The following FNBP1L variants were observed in gnomAD, a reference collection of about 807,000 sequenced individuals.
FNBP1L encodes formin binding protein 1 like.
Under a neutral mutation model 91.2 loss-of-function variants are expected in FNBP1L, and 36 were observed. That is an observed-to-expected ratio of 0.39 (90% CI 0.30 to 0.52). The LOEUF (loss-of-function observed/expected upper bound fraction) is 0.52. FNBP1L is among the 20% of genes least tolerant of loss of function. The pLI is 0.66. For synonymous variants in FNBP1L, 242 were observed against 237.0 expected (o/e 1.02, Z -0.19); for missense variants, 571 against 732.1 (o/e 0.78, Z 2.54).
At chr1:93,465,125 G>GT (rs1669027084) in intron 1 of FNBP1L, among the ~76,000 whole-genome samples, 1 of 150,126 alleles carries the variant, frequency 6.7e-6, no homozygotes, top group African/African-American at 2.5e-5. Flanking sequence ...AGGTTTTTCT[G>GT]TTTTGCTCTG....
At position 93,554,144 on chromosome 1, in the gene FNBP1L, G is replaced by A. The variant is rs918402754; in HGVS notation, c.*1728G>A. ...GTTTAGATATTGAATCTCGTTACAGGGTTATTTATATAATGTGACATTATT... is the reference window on the plus strand; with the variant it reads ...GTTTAGATATTGAATCTCGTTACAGAGTTATTTATATAATGTGACATTATT... On this transcript the variant is annotated 3_prime_UTR_variant, in exon 17 of 17. Coordinates refer to ENST00000271234, the MANE Select transcript of FNBP1L (RefSeq NM_001164473.3). 5.2e-5 allele frequency: 8 copies of A among 152,566 alleles called. No individual in the cohort carries two copies. The highest frequency in any genetic ancestry group is 1.0e-4 in the Non-Finnish European group (7 of 68,028). 9.5% of individuals were successfully genotyped at this position (152,566 alleles called of 1,614,324 possible). A position where few individuals can be genotyped will look rare whatever the true frequency, so the allele number is the denominator to read the frequency against.
At chr1:93,450,438 C>G (rs1668456015) in intron 1 of FNBP1L, among the ~76,000 whole-genome samples, 1 of 152,150 alleles carries the variant, frequency 6.6e-6, no homozygotes, top group Non-Finnish European at 1.5e-5. Context: ...TTATTAGAAA[C>G]TAAGTAATGT....
At chr1:93,478,227 G>C (rs897367783) in intron 1 of FNBP1L, among the ~76,000 whole-genome samples, 4 of 152,156 alleles carry the variant, frequency 2.6e-5, no homozygotes, top group Admixed American at 1.3e-4. Flanking sequence ...TGGAAGCTGC[G>C]ATGGTCTAGA....
chr1:93,501,877 T>G (rs1362864097), intron 2 of FNBP1L, among the ~76,000 whole-genome samples: 1 of 152,210 alleles, frequency 6.6e-6, no homozygotes, highest in Non-Finnish European at 1.5e-5. Context: ...TCTAGCATTT[T>G]CATTTCTAAA....
rs61752467 is a variant in FNBP1L at position 93,523,440 on chromosome 1, G to A, written c.291G>A (p.Val97=). 8.1e-3 allele frequency: 13,073 copies of A among 1,610,356 alleles called. 69 individuals carry two copies. The highest frequency in any genetic ancestry group is 1.0e-2 in the Non-Finnish European group (11,751 of 1,178,104). The part of the protein sequence containing the change: ...EVVAEEMAHR[V]YGELMRYAHD... ...TAGCAGAAGAAATGGCGCACAGAGT[G>A]TATGGTGAATTAATGAGATATGCTC... The change falls in exon 4 of 17, where the codon GTG becomes GTA. Residue 97 remains valine (V), a synonymous_variant. Transcript: ENST00000271234.
intron 10 of FNBP1L, among the ~76,000 whole-genome samples, chr1:93,537,460 C>T (rs187299792): frequency 9.9e-4 from 150 of 152,074 alleles, no homozygotes; most frequent in Non-Finnish European, 4.4e-4. Context: ...ATTTTGGCCT[C>T]CTATAGAACA....
chr1:93,512,182 T>G (rs1670879815), intron 2 of FNBP1L, among the ~76,000 whole-genome samples: 4 of 152,068 alleles, frequency 2.6e-5, no homozygotes, highest in African/African-American at 4.8e-5. Context: ...AGAAGGCCAT[T>G]ACATAATGGT....
intron 2 of FNBP1L, among the ~76,000 whole-genome samples, chr1:93,512,843 T>TAG (rs902666318): frequency 1.3e-5 from 2 of 151,858 alleles, no homozygotes; most frequent in African/African-American, 4.8e-5. Flanking sequence ...ATTGACACTC[T>TAG]AACATCACAA....
At chr1:93,503,309 G>C (rs1670498150) in intron 2 of FNBP1L, among the ~76,000 whole-genome samples, 1 of 152,132 alleles carries the variant, frequency 6.6e-6, no homozygotes, top group Non-Finnish European at 1.5e-5. Context: ...GTGAGAACAA[G>C]ATGGGGGAAA....
At chr1:93,546,018 G>T (rs1443255744) in intron 12 of FNBP1L, among the ~76,000 whole-genome samples, 2 of 151,934 alleles carry the variant, frequency 1.3e-5, no homozygotes, top group African/African-American at 2.4e-5. Context: ...AGGAGAGAGA[G>T]GTCTGGAGAT....
intron 11 of FNBP1L, among the ~76,000 whole-genome samples, chr1:93,542,286 A>G (rs1672072059): frequency 6.6e-6 from 1 of 152,024 alleles, no homozygotes. Context: ...CCCTATCTCT[A>G]CAAAAAACCT....
At chr1:93,529,995 A>T (rs1671622637) in intron 6 of FNBP1L, among the ~76,000 whole-genome samples, 1 of 152,168 alleles carries the variant, frequency 6.6e-6, no homozygotes, top group Non-Finnish European at 1.5e-5. Flanking sequence ...CGTAGTTGCT[A>T]CTGGGATTGA....
chr1:93,457,563 C>A (rs1185521952), intron 1 of FNBP1L, among the ~76,000 whole-genome samples: 2 of 152,076 alleles, frequency 1.3e-5, no homozygotes, highest in African/African-American at 4.8e-5. Flanking sequence ...CAAACATCCT[C>A]AGGGCAAGAG....
At chr1:93,458,013 G>A (rs1390852779) in intron 1 of FNBP1L, among the ~76,000 whole-genome samples, 1 of 151,940 alleles carries the variant, frequency 6.6e-6, no homozygotes, top group Admixed American at 6.6e-5. Context: ...GGATGGTCTC[G>A]ACCTCCTGAC....
intron 1 of FNBP1L, among the ~76,000 whole-genome samples, chr1:93,483,864 G>A (rs1042076462): frequency 1.3e-5 from 2 of 152,110 alleles, no homozygotes; most frequent in Admixed American, 6.6e-5. Context: ...TCAACACAAG[G>A]GAACAAAGCT....
At position 93,476,358 on chromosome 1, in the gene FNBP1L, C is replaced by T. The variant is rs189564989; in HGVS notation, c.25-23110C>T. 2.7e-3 allele frequency among the ~76,000 whole-genome samples: 404 copies of T among 152,176 alleles called. 4 individuals carry two copies. The highest frequency in any genetic ancestry group is 2.8e-3 in the Non-Finnish European group (193 of 68,008). ...GTTTGTATAATAATAGGAGTAATTA[C>T]GCCTACTCTCAAGGAGAGATTAAAT... On this transcript the variant is annotated intron_variant, in intron 1 of 16. Coordinates refer to ENST00000271234, the MANE Select transcript of FNBP1L (RefSeq NM_001164473.3).
chr1:93,460,538 G>C (rs541454439), intron 1 of FNBP1L, among the ~76,000 whole-genome samples: 4 of 152,318 alleles, frequency 2.6e-5, no homozygotes, highest in Admixed American at 6.5e-5. Flanking sequence ...ATACTACTCA[G>C]TTCTTAAAAA....
chr1:93,505,196 C>T (rs867415910), intron 2 of FNBP1L, among the ~76,000 whole-genome samples: 1 of 149,006 alleles, frequency 6.7e-6, no homozygotes, highest in Non-Finnish European at 1.5e-5. Flanking sequence ...ACTGCAACTT[C>T]CGTCTCCTGG....
chr1:93,552,362 C>T, intron 16 of FNBP1L, 47 bp from the exon 17 acceptor site: 1 of 1,598,782 alleles, frequency 6.3e-7, no homozygotes, highest in Non-Finnish European at 8.5e-7. Context: ...TTGGTTTTAC[C>T]AAAGGTCTTC....
Sources: gnomAD v4.1 joint callset for allele counts (sites outside exome capture counted in the v4.1 genomes callset) on GRCh38, gnomAD v4.1.1 for gene constraint, MANE v1.5 for transcripts, NCBI Gene and HGNC (gene_info 2026-07-23, HGNC 2026-07-21) for gene names.